Variants in TMEM221 observed in about 807,000 individuals in gnomAD.
TMEM221 encodes the protein transmembrane protein 221.
A neutral mutation model predicts 10.2 loss-of-function variants in TMEM221; 11 were observed. The observed-to-expected ratio is 1.08, with a 90% CI of 0.68 to 1.79. TMEM221 has a LOEUF of 1.79. Among genes scored for constraint, TMEM221 ranks in the 40% most tolerant of loss-of-function variants. The pLI is 0.00. For missense variants in TMEM221, 382 were observed against 417.7 expected (o/e 0.91, Z 0.75); for synonymous variants, 172 against 199.8 (o/e 0.86, Z 1.18).
Position 17,436,354 on chromosome 19 carries a change from T to A in TMEM221, c.*104A>T. ...TTGAGGACAAAAGCCAAGGATGCAA[T>A]AAAATGAGAGAAAAATCAAGTCCTA... is the stretch of plus-strand genomic sequence containing the variant. On this transcript the variant is annotated 3_prime_UTR_variant, in exon 3 of 3. Transcript: ENST00000341130. 1 of 1,169,482 alleles carries A rather than the reference T, an allele frequency of 8.6e-7. No homozygotes were observed. The highest frequency in any genetic ancestry group is 1.1e-6 in the Non-Finnish European group (1 of 874,168). 72.4% of individuals were successfully genotyped at this position (1,169,482 alleles called of 1,614,324 possible).
At chr19:17,441,222 A>AG (rs1264654636) in intron 2 of TMEM221, among the ~76,000 whole-genome samples, 1 of 151,624 alleles carries the variant, frequency 6.6e-6, no homozygotes, top group East Asian at 1.9e-4. Flanking sequence ...AAAAAAAAAA[A>AG]AAAAAAAGAA....
intron 2 of TMEM221, among the ~76,000 whole-genome samples, chr19:17,442,345 C>T (rs1469833259): frequency 2.6e-5 from 4 of 152,148 alleles, no homozygotes; most frequent in Non-Finnish European, 5.9e-5. Flanking sequence ...GCAACCTCCG[C>T]CCCCTGGGTT....
intron 2 of TMEM221, among the ~76,000 whole-genome samples, chr19:17,439,861 G>A (rs760412030): frequency 1.3e-5 from 2 of 152,044 alleles, no homozygotes; most frequent in South Asian, 2.1e-4. Flanking sequence ...GCCTAAGACC[G>A]TGAATGTGCT....
chr19:17,438,887 T>G, intron 2 of TMEM221, among the ~76,000 whole-genome samples: 1 of 342 alleles, frequency 2.9e-3, no homozygotes, highest in South Asian at 0.056. Context: ...CATTAGCCAC[T>G]GCGCCCGACA....
Position 17,436,607 on chromosome 19 carries a change from C to T in TMEM221, c.727G>A (p.Glu243Lys). 2 of 1,536,144 alleles carry T rather than the reference C, an allele frequency of 1.3e-6. No homozygotes were observed. Among genetic ancestry groups the T allele is most frequent in the Non-Finnish European group, 1.7e-6 (2 of 1,146,908 alleles). ...GGCAGGCTGCTCTCCCAGCCTCCCT[C>T]CAGGGCTGCAGGTGCTGTGGCAGTG... Reference protein sequence around the residue: ...MATATAPAALEGGWESSLPAS... With the variant: ...MATATAPAALKGGWESSLPAS... Residue 243 changes from glutamate (E) to lysine (K), a missense_variant, in exon 3 of 3, where the codon GAG becomes AAG. Transcript: ENST00000341130.
intron 2 of TMEM221, among the ~76,000 whole-genome samples, chr19:17,441,002 G>A (rs765083674): frequency 6.6e-6 from 1 of 152,160 alleles, no homozygotes; most frequent in Non-Finnish European, 1.5e-5. Context: ...GAGGCCAGGA[G>A]TTTGAGACCA....
At chr19:17,440,911 G>C (rs1477333494) in intron 2 of TMEM221, among the ~76,000 whole-genome samples, 1 of 152,076 alleles carries the variant, frequency 6.6e-6, no homozygotes, top group African/African-American at 2.4e-5. Flanking sequence ...ATGTGAATAA[G>C]AAGGGACCTT....
chr19:17,438,519 C>G (rs118186161), intron 2 of TMEM221, among the ~76,000 whole-genome samples: 5,436 of 152,046 alleles, frequency 0.036, 153 homozygotes, highest in Non-Finnish European at 0.051. Flanking sequence ...GCCACTGTGT[C>G]CTACCGGGTT....
At chr19:17,438,736 T>C (rs1301294877) in intron 2 of TMEM221, among the ~76,000 whole-genome samples, 1 of 151,716 alleles carries the variant, frequency 6.6e-6, no homozygotes, top group Non-Finnish European at 1.5e-5. Context: ...TAGCTGGGAT[T>C]ATAGGCATGC....
chr19:17,444,518 C>CTTT lies in TMEM221; in HGVS notation c.406+678_406+680dup, dbSNP rs71162133. ...GCTGGAGTCAGATGCCATCCACGGG[C>CTTT]TTTTTTTTTTTTTTTTTTTTAATGA... On this transcript the variant is annotated intron_variant, in intron 2 of 2. Transcript: ENST00000341130. 4.9e-4 allele frequency among the ~76,000 whole-genome samples: 45 copies of CTTT among 92,132 alleles called. 2 individuals carry two copies. The highest frequency in any genetic ancestry group is 2.5e-3 in the South Asian group (6 of 2,422). 60.4% of individuals were successfully genotyped at this position (92,132 alleles called of 152,430 possible).
chr19:17,448,037 G>A lies in TMEM221; in HGVS notation c.320+106C>T. ...GGAGTGGTGGGGAGAGGGAAGTGGG[G>A]AGGGAAGCTGTCCCCCCAGCCTGAG... On this transcript the variant is annotated intron_variant, in intron 1 of 2. Transcript: ENST00000341130. This position sits in a 1 kb window ranked among gnomAD's most constrained non-coding sequence, Gnocchi z 4.7. The A allele has an allele frequency of 1.1e-6, 1 of 925,674 alleles. No homozygotes were observed. Among genetic ancestry groups the A allele is most frequent in the Non-Finnish European group, 1.4e-6 (1 of 708,346 alleles). 57.3% of individuals were successfully genotyped at this position (925,674 alleles called of 1,614,324 possible).
At position 17,436,490 on chromosome 19, in the gene TMEM221, C is replaced by G. The variant is rs1353888457; in HGVS notation, c.844G>C (p.Gly282Arg). The G allele has an allele frequency of 7.8e-6, 12 of 1,531,818 alleles. No individual in the cohort carries two copies. The highest frequency in any genetic ancestry group is 1.0e-5 in the Non-Finnish European group (12 of 1,143,930). 94.9% of individuals were successfully genotyped at this position (1,531,818 alleles called of 1,614,324 possible). A position where few individuals can be genotyped will look rare whatever the true frequency, so the allele number is the denominator to read the frequency against. The change falls in exon 3 of 3, where the codon GGG becomes CGG. Residue 282 changes from glycine to arginine, a missense_variant. By Grantham distance (125) the Gly-to-Arg change is moderately radical. Coordinates refer to ENST00000341130, the MANE Select transcript of TMEM221 (RefSeq NM_001190844.2). ...EMRRMLGHRP[G>R]SMGKDSTLV ...AGTGTGGAGTCCTTCCCCATGCTCC[C>G]TGGTCTGTGGCCCAGCATTCGACGC...
At chr19:17,440,711 C>T (rs2074928535) in intron 2 of TMEM221, among the ~76,000 whole-genome samples, 2 of 152,076 alleles carry the variant, frequency 1.3e-5, no homozygotes, top group African/African-American at 4.8e-5. Flanking sequence ...ACAAACAAAA[C>T]CAGAAACACC....
intron 2 of TMEM221, among the ~76,000 whole-genome samples, chr19:17,439,116 A>G (rs1428151416): frequency 3.3e-5 from 5 of 151,516 alleles, no homozygotes; most frequent in East Asian, 4.0e-4. Flanking sequence ...CTGAGGCAGG[A>G]GAATGGCGTG....
chr19:17,442,243 T>TTTA (rs915340974), intron 2 of TMEM221, among the ~76,000 whole-genome samples: 90 of 151,598 alleles, frequency 5.9e-4, no homozygotes, highest in African/African-American at 1.4e-3. Context: ...TCTTTTTTCT[T>TTTA]TTATTATTAT....
At chr19:17,440,760 G>C (rs1398029339) in intron 2 of TMEM221, among the ~76,000 whole-genome samples, 3 of 152,134 alleles carry the variant, frequency 2.0e-5, no homozygotes, top group Non-Finnish European at 4.4e-5. Flanking sequence ...ATCTCTGTCT[G>C]TCTCTGCCTG....
Position 17,436,581 on chromosome 19 carries a change from A to C in TMEM221, c.753T>G (p.Pro251=), listed in dbSNP as rs1186419097. 1 of 1,535,934 alleles carries C rather than the reference A, an allele frequency of 6.5e-7. No individual in the cohort carries two copies. Among genetic ancestry groups the C allele is most frequent in the East Asian group, 2.4e-5 (1 of 40,930 alleles). ...ALEGGWESSL[P]ASRMHRTLSA... ...ACAGTGTCCGGTGCATTCTGGATGC[A>C]GGCAGGCTGCTCTCCCAGCCTCCCT... The change falls in exon 3 of 3, where the codon CCT becomes CCG. Residue 251 remains proline (P), a synonymous_variant. Coordinates refer to ENST00000341130, the MANE Select transcript of TMEM221 (RefSeq NM_001190844.2).
intron 1 of TMEM221, among the ~76,000 whole-genome samples, chr19:17,445,808 A>C (rs1028308948): frequency 6.6e-6 from 1 of 151,512 alleles, no homozygotes; most frequent in Non-Finnish European, 1.5e-5. Context: ...CCATCAAACC[A>C]GTCATCCATC....
intron 2 of TMEM221, among the ~76,000 whole-genome samples, chr19:17,440,722 C>A (rs1287136216): frequency 6.6e-6 from 1 of 152,028 alleles, no homozygotes; most frequent in Non-Finnish European, 1.5e-5. Flanking sequence ...CAGAAACACC[C>A]CCAGCAACTC....
Sources: allele counts gnomAD v4.1 joint callset (sites outside exome capture counted in the v4.1 genomes callset), GRCh38; gene constraint gnomAD v4.1.1; non-coding constraint Gnocchi (gnomAD v3.1); transcripts MANE v1.5; gene names NCBI Gene and HGNC (gene_info 2026-07-23, HGNC 2026-07-21).